ULK4: variants seen among roughly 807,000 people sequenced by gnomAD.
The protein encoded by ULK4 is unc-51 like kinase 4.
A neutral mutation model predicts 160.6 loss-of-function variants in ULK4; 133 were observed. The ratio of observed to expected loss-of-function variants is 0.83; its 90% CI spans 0.72 to 0.96. The LOEUF (loss-of-function observed/expected upper bound fraction) is 0.96. ULK4 is among the 40% of genes least tolerant of loss of function. ULK4 has a pLI of 0.00. For missense variants in ULK4, 1,580 were observed against 1,499.5 expected (o/e 1.05, Z -0.89); for synonymous variants, 534 against 539.8 (o/e 0.99, Z 0.15).
intron 22 of ULK4, among the ~76,000 whole-genome samples, chr3:41,719,569 CT>C (rs2125848183): frequency 6.6e-6 from 1 of 152,220 alleles, no homozygotes; most frequent in African/African-American, 2.4e-5. Context: ...GAGAGTCATC[CT>C]TAACACCTCC....
chr3:41,865,452 T>C (rs1403935143), intron 17 of ULK4, among the ~76,000 whole-genome samples: 5 of 152,230 alleles, frequency 3.3e-5, no homozygotes, highest in Admixed American at 6.5e-5. Flanking sequence ...TTTCAACTTA[T>C]GTAACTCAAA....
At chr3:41,443,898 A>G (rs969810818) in intron 34 of ULK4, among the ~76,000 whole-genome samples, 6 of 152,126 alleles carry the variant, frequency 3.9e-5, no homozygotes, top group African/African-American at 1.4e-4. Flanking sequence ...TGTGAGTAGC[A>G]CAATATCTAC....
At chr3:41,563,711 G>A (rs2087685037) in intron 32 of ULK4, among the ~76,000 whole-genome samples, 1 of 152,122 alleles carries the variant, frequency 6.6e-6, no homozygotes. Context: ...ACCTCCTTCA[G>A]GTCATTTAAG....
intron 32 of ULK4, among the ~76,000 whole-genome samples, chr3:41,481,067 TAATA>T (rs1329206405): frequency 6.6e-5 from 10 of 152,162 alleles, no homozygotes; most frequent in Admixed American, 4.6e-4. Flanking sequence ...AAATGTATGT[TAATA>T]AATAGTTTTA....
chr3:41,810,469 T>C (rs925850483), intron 19 of ULK4, among the ~76,000 whole-genome samples: 1 of 152,194 alleles, frequency 6.6e-6, no homozygotes, highest in African/African-American at 2.4e-5. Flanking sequence ...AAAGTTGTGT[T>C]ACCTAATAGT....
At chr3:41,279,255 T>TAAAAAG (rs2079296692) in intron 35 of ULK4, among the ~76,000 whole-genome samples, 5 of 43,074 alleles carry the variant, frequency 1.2e-4, no homozygotes, top group African/African-American at 6.2e-4. Flanking sequence ...AAAAAAAGAG[T>TAAAAAG]AAAAAAAAAA....
At chr3:41,473,326 T>G (rs942349239) in intron 32 of ULK4, among the ~76,000 whole-genome samples, 2 of 152,220 alleles carry the variant, frequency 1.3e-5, no homozygotes, top group East Asian at 3.9e-4. Flanking sequence ...TGATCTTGTA[T>G]GTGGAAAACG....
At chr3:41,873,235 T>TA (rs1438277817) in intron 17 of ULK4, among the ~76,000 whole-genome samples, 16 of 149,980 alleles carry the variant, frequency 1.1e-4, no homozygotes, top group African/African-American at 2.5e-4. Flanking sequence ...TTTTTTTTTT[T>TA]TTTTTTTTGA....
intron 11 of ULK4, among the ~76,000 whole-genome samples, chr3:41,909,723 TATAA>T (rs1224665096): frequency 2.6e-5 from 4 of 151,924 alleles, no homozygotes; most frequent in East Asian, 1.9e-4. Context: ...TCAAAAAATA[TATAA>T]ATAAATAAAT....
chr3:41,653,177 A>C (rs140670834), intron 30 of ULK4, among the ~76,000 whole-genome samples: 58 of 152,194 alleles, frequency 3.8e-4, no homozygotes, highest in East Asian at 3.7e-3. Context: ...TCCGTTACTG[A>C]GCTCTTAACA....
intron 25 of ULK4, among the ~76,000 whole-genome samples, chr3:41,710,750 C>T (rs2125836012): frequency 6.6e-6 from 1 of 151,024 alleles, no homozygotes; most frequent in Admixed American, 6.6e-5. Context: ...GCCGAGATCG[C>T]TCCGCTGCAC....
intron 32 of ULK4, among the ~76,000 whole-genome samples, chr3:41,479,686 G>A (rs1020491504): frequency 6.6e-6 from 1 of 152,116 alleles, no homozygotes; most frequent in Non-Finnish European, 1.5e-5. Flanking sequence ...GCAGAGACAG[G>A]TAGGGCAGAA....
At chr3:41,431,177 G>A (rs2082895904) in intron 34 of ULK4, among the ~76,000 whole-genome samples, 1 of 151,898 alleles carries the variant, frequency 6.6e-6, no homozygotes, top group African/African-American at 2.4e-5. Context: ...GTGAAACTTC[G>A]TCTCTACTAA....
intron 32 of ULK4, among the ~76,000 whole-genome samples, chr3:41,493,079 T>C (rs1222057567): frequency 1.9e-5 from 2 of 102,836 alleles, no homozygotes; most frequent in African/African-American, 6.9e-5. Flanking sequence ...CAAGCGGACC[T>C]AATAGACATC....
At chr3:41,954,476 G>T in intron 2 of ULK4, 146 bp downstream of exon 2, 1 of 765,232 alleles carries the variant, frequency 1.3e-6, no homozygotes, top group Non-Finnish European at 2.1e-6. Flanking sequence ...CAGGACTGGT[G>T]GCACTGAACA....
At chr3:41,460,937 G>A (rs566737303) in intron 33 of ULK4, among the ~76,000 whole-genome samples, 1 of 152,166 alleles carries the variant, frequency 6.6e-6, no homozygotes, top group African/African-American at 2.4e-5. Flanking sequence ...TGGTATACTG[G>A]TGTGTCTGGG....
At position 41,560,117 on chromosome 3, in the gene ULK4, A is replaced by C. The variant is rs188282521; in HGVS notation, c.3226+5908T>G. 1.1e-3 allele frequency among the ~76,000 whole-genome samples: 174 copies of C among 152,354 alleles called. 1 individual carries two copies. Among genetic ancestry groups the C allele is most frequent in the Non-Finnish European group, 2.1e-3 (141 of 68,034 alleles). ...CAGTTTTCCCAGCACCATTTATTAA[A>C]TAGGAAATCCTTTCCCCATTGCTTT... On this transcript the variant is annotated intron_variant, in intron 32 of 36. Coordinates refer to ENST00000301831, the MANE Select transcript of ULK4 (RefSeq NM_017886.4).
rs571725154 is a variant in ULK4, at chr3:41,598,147, T to C, written c.3120+17522A>G. On this transcript the variant is annotated intron_variant, in intron 31 of 36. Transcript: ENST00000301831. ...ACTGATCAAAGCAGAGATGTCCTGGTCCCACATGACCAGTTCCTCACTCCC... is the reference window on the plus strand; with the variant it reads ...ACTGATCAAAGCAGAGATGTCCTGGCCCCACATGACCAGTTCCTCACTCCC... 2.6e-5 allele frequency among the ~76,000 whole-genome samples: 4 copies of C among 152,190 alleles called. No homozygotes were observed. In the South Asian group the frequency reaches 8.3e-4, roughly 32 times the overall value.
intron 32 of ULK4, among the ~76,000 whole-genome samples, chr3:41,555,778 T>C (rs1195594680): frequency 1.3e-5 from 2 of 152,186 alleles, no homozygotes; most frequent in Non-Finnish European, 2.9e-5. Context: ...TAAATGCCCA[T>C]CAATGATAGC....
Sources: allele counts gnomAD v4.1 joint callset (sites outside exome capture counted in the v4.1 genomes callset), GRCh38; gene constraint gnomAD v4.1.1; transcripts MANE v1.5; gene names NCBI Gene and HGNC (gene_info 2026-07-23, HGNC 2026-07-21).